The following CAMKV variants were observed in gnomAD, a reference collection of about 807,000 sequenced individuals.
CAMKV encodes caM kinase-like vesicle-associated protein.
A neutral mutation model predicts 50.2 loss-of-function variants in CAMKV; 5 were observed. The observed-to-expected ratio is 0.10, with a 90% confidence interval of 0.05 to 0.21. The LOEUF (loss-of-function observed/expected upper bound fraction) is 0.21. CAMKV is among the 10% of genes least tolerant of loss of function. CAMKV has a pLI of 1.00. For missense variants in CAMKV, 361 were observed against 650.5 expected (o/e 0.55, Z 4.84); for synonymous variants, 229 against 250.1 (o/e 0.92, Z 0.80).
chr3:49,860,091 G>A lies in CAMKV; in HGVS notation c.942+80C>T. 2 of 1,291,878 alleles carry A rather than the reference G, an allele frequency of 1.5e-6. No homozygotes were observed. Among genetic ancestry groups the A allele is most frequent in the South Asian group, 2.4e-5 (2 of 83,586 alleles). 80.0% of individuals were successfully genotyped at this position (1,291,878 alleles called of 1,614,324 possible). Reference sequence around the variant, plus strand: ...TGAGAAAAGCTTGTGTGTGGCTGCAGGGGTGTGATGCAGGCAAGAAACTGA... The same window carrying A: ...TGAGAAAAGCTTGTGTGTGGCTGCAAGGGTGTGATGCAGGCAAGAAACTGA... On this transcript the variant is annotated intron_variant, in intron 10 of 10. Coordinates refer to ENST00000477224, the MANE Select transcript of CAMKV (RefSeq NM_024046.5). This position sits in a 1 kb window ranked among gnomAD's most constrained non-coding sequence, Gnocchi z 6.1.
Position 49,869,095 on chromosome 3 carries a change from C to T in CAMKV, c.-15+663G>A, listed in dbSNP as rs1410448102. On this transcript the variant is annotated intron_variant, in intron 1 of 10. Transcript: ENST00000477224. This position sits in a 1 kb window ranked among gnomAD's most constrained non-coding sequence, Gnocchi z 5.2. The stretch of plus-strand genomic sequence containing the variant: ...CCCTTTCCCAAGTGCTGCTGGCTCG[C>T]CCCCGCTGGCACAGCAACACACATG... Among the ~76,000 whole-genome samples, 1 of 152,184 alleles carries T rather than the reference C, an allele frequency of 6.6e-6. No individual in the cohort carries two copies. The highest frequency in any genetic ancestry group is 6.5e-5 in the Admixed American group (1 of 15,288).
Position 49,862,332 on chromosome 3 carries a change from C to T in CAMKV, c.57G>A (p.Glu19=), listed in dbSNP as rs202049256. ...GDKKNYNQPS[E]VTDRYDLGQV... ...GTCCCAAATCATATCTGTCAGTCACCTCCGATGGCTGGTTATAGTTCTTCT... is the reference window on the plus strand; with the variant it reads ...GTCCCAAATCATATCTGTCAGTCACTTCCGATGGCTGGTTATAGTTCTTCT... The change falls in exon 2 of 11, where the codon GAG becomes GAA. Residue 19 remains glutamate (E), a synonymous_variant. Coordinates refer to ENST00000477224, the MANE Select transcript of CAMKV (RefSeq NM_024046.5). This position sits in a 1 kb window ranked among gnomAD's most constrained non-coding sequence, Gnocchi z 5.2. The T allele has an allele frequency of 1.9e-6, 3 of 1,614,240 alleles. No individual in the cohort carries two copies. In the Admixed American group the frequency reaches 5.0e-5, roughly 27 times the overall value.
intron 1 of CAMKV, among the ~76,000 whole-genome samples, chr3:49,868,745 A>G (rs1575411086): frequency 6.6e-6 from 1 of 152,296 alleles, no homozygotes. Flanking sequence ...GGAGGGCACC[A>G]GGTCTCTAAA....
In CAMKV at chr3:49,869,553, C is replaced by A. The variant is rs2082091019; in HGVS notation, c.-15+205G>T. Among the ~76,000 whole-genome samples, 1 of 152,130 alleles carries A rather than the reference C, an allele frequency of 6.6e-6. No individual in the cohort carries two copies. Among genetic ancestry groups the A allele is most frequent in the South Asian group, 2.1e-4 (1 of 4,832 alleles). On this transcript the variant is annotated intron_variant, in intron 1 of 10. Coordinates refer to ENST00000477224, the MANE Select transcript of CAMKV (RefSeq NM_024046.5). This position sits in a 1 kb window ranked among gnomAD's most constrained non-coding sequence, Gnocchi z 5.2. The stretch of plus-strand genomic sequence containing the variant: ...AAGCTTCCCCCCAGAACCCCCAAGC[C>A]GTCCGAGGTAATGGGGAACTTTAGC...
rs2082030334 is a variant in CAMKV at position 49,862,498 on chromosome 3, A to G, written c.-14-96T>C. 8.8e-6 allele frequency: 9 copies of G among 1,018,764 alleles called. No homozygotes were observed. In the East Asian group the frequency reaches 1.9e-4, roughly 22 times the overall value. The allele number at this position is 1,018,764 out of a possible 1,614,324, so 63.1% of individuals were successfully genotyped here. A position where few individuals can be genotyped will look rare whatever the true frequency, so the allele number is the denominator to read the frequency against. On this transcript the variant is annotated intron_variant, in intron 1 of 10. Coordinates refer to ENST00000477224, the MANE Select transcript of CAMKV (RefSeq NM_024046.5). This position sits in a 1 kb window ranked among gnomAD's most constrained non-coding sequence, Gnocchi z 5.2. ...GGAGACCCCAACCTGGCTCAGGCCA[A>G]GCTAGGGGCAGAGACCATACCAGGA...
At position 49,860,693 on chromosome 3, in the gene CAMKV, G is replaced by C; in HGVS notation, c.775+23C>G. The C allele has an allele frequency of 6.2e-7, 1 of 1,613,914 alleles. No individual in the cohort carries two copies. Reference sequence around the variant, plus strand: ...TCCCCACTCCCTTGCGTTCTACCAAGTGCTGGGCAGGCACCTCCTCACCTG... The same window carrying C: ...TCCCCACTCCCTTGCGTTCTACCAACTGCTGGGCAGGCACCTCCTCACCTG... On this transcript the variant is annotated intron_variant, in intron 8 of 10. Transcript: ENST00000477224. This position sits in a 1 kb window ranked among gnomAD's most constrained non-coding sequence, Gnocchi z 6.1.
At position 49,859,492 on chromosome 3, in the gene CAMKV, G is replaced by A. The variant is rs759369362; in HGVS notation, c.1332C>T (p.Pro444=). Residue 444 remains proline (P), a synonymous_variant, in exon 11 of 11, where the codon CCC becomes CCT. Coordinates refer to ENST00000477224, the MANE Select transcript of CAMKV (RefSeq NM_024046.5). This position sits in a 1 kb window ranked among gnomAD's most constrained non-coding sequence, Gnocchi z 5.5. ...CCAGCATGGCACTGCTTTGGGTGGTGGGCACAGTGCTCTCTTCTGTGGCTG... is the reference window on the plus strand; with the variant it reads ...CCAGCATGGCACTGCTTTGGGTGGTAGGCACAGTGCTCTCTTCTGTGGCTG... ...ATPATEESTV[P]TTQSSAMLAT... 40 of 1,614,076 alleles carry A rather than the reference G, an allele frequency of 2.5e-5. No homozygotes were observed. Among genetic ancestry groups the A allele is most frequent in the Non-Finnish European group, 3.4e-5 (40 of 1,180,026 alleles).
chr3:49,860,107 A>C lies in CAMKV; in HGVS notation c.942+64T>G. On this transcript the variant is annotated intron_variant, in intron 10 of 10. Coordinates refer to ENST00000477224, the MANE Select transcript of CAMKV (RefSeq NM_024046.5). The surrounding 1 kb of genome is among the most constrained non-coding windows in gnomAD (Gnocchi z 6.1). ...GTGGCTGCAGGGGTGTGATGCAGGC[A>C]AGAAACTGAGTGCCAGAAGCAATAC... The C allele has an allele frequency of 1.4e-6, 2 of 1,451,724 alleles. No homozygotes were observed. The highest frequency in any genetic ancestry group is 1.9e-6 in the Non-Finnish European group (2 of 1,032,908). The allele number at this position is 1,451,724 out of a possible 1,614,324, so 89.9% of individuals were successfully genotyped here. A position where few individuals can be genotyped will look rare whatever the true frequency, so the allele number is the denominator to read the frequency against.
At position 49,869,499 on chromosome 3, in the gene CAMKV, G is replaced by A. The variant is rs902431497; in HGVS notation, c.-15+259C>T. ...CACGGGGGACCACGAATCTTCGAGG[G>A]TTAATCTTTTCACAATTCCGAGCCG... On this transcript the variant is annotated intron_variant, in intron 1 of 10. Transcript: ENST00000477224. The surrounding 1 kb of genome is among the most constrained non-coding windows in gnomAD (Gnocchi z 5.2). 6.6e-6 allele frequency among the ~76,000 whole-genome samples: 1 copy of A among 152,126 alleles called. No individual in the cohort carries two copies. Among genetic ancestry groups the A allele is most frequent in the African/African-American group, 2.4e-5 (1 of 41,436 alleles).
rs543577472 is a variant in CAMKV, at chr3:49,858,127, C to T, written c.*1191G>A. Reference sequence around the variant, plus strand: ...CGGAGTGCCGAGCAAGGGCGAGGACCAATGTGGCTGCCTATCCAGGCTGTG... The same window carrying T: ...CGGAGTGCCGAGCAAGGGCGAGGACTAATGTGGCTGCCTATCCAGGCTGTG... On this transcript the variant is annotated 3_prime_UTR_variant, in exon 11 of 11. Transcript: ENST00000477224. 5.0e-6 allele frequency: 2 copies of T among 397,130 alleles called. No individual in the cohort carries two copies. Among genetic ancestry groups the T allele is most frequent in the Non-Finnish European group, 8.9e-6 (2 of 225,686 alleles). 24.6% of individuals were successfully genotyped at this position (397,130 alleles called of 1,614,324 possible). A position where few individuals can be genotyped will look rare whatever the true frequency, so the allele number is the denominator to read the frequency against.
chr3:49,862,030 A>G lies in CAMKV; in HGVS notation c.227+15T>C, dbSNP rs1459171432. Reference sequence around the variant, plus strand: ...CTGCCTCCCACCCCGCCCCAATCCCAGGCCTCAAACTCACATCTTGAGGAT... The same window carrying G: ...CTGCCTCCCACCCCGCCCCAATCCCGGGCCTCAAACTCACATCTTGAGGAT... On this transcript the variant is annotated intron_variant, in intron 3 of 10. Coordinates refer to ENST00000477224, the MANE Select transcript of CAMKV (RefSeq NM_024046.5). This position sits in a 1 kb window ranked among gnomAD's most constrained non-coding sequence, Gnocchi z 5.2. 1 of 1,613,802 alleles carries G rather than the reference A, an allele frequency of 6.2e-7. No individual in the cohort carries two copies. Among genetic ancestry groups the G allele is most frequent in the Non-Finnish European group, 8.5e-7 (1 of 1,179,928 alleles).
At position 49,861,731 on chromosome 3, in the gene CAMKV, G is replaced by C. The variant is rs1353045571; in HGVS notation, c.302+60C>G. The C allele has an allele frequency of 1.3e-6, 2 of 1,598,666 alleles. No individual in the cohort carries two copies. The highest frequency in any genetic ancestry group is 1.7e-5 in the Admixed American group (1 of 59,956). On this transcript the variant is annotated intron_variant, in intron 4 of 10. Coordinates refer to ENST00000477224, the MANE Select transcript of CAMKV (RefSeq NM_024046.5). This position sits in a 1 kb window ranked among gnomAD's most constrained non-coding sequence, Gnocchi z 7.7. The stretch of plus-strand genomic sequence containing the variant: ...AAAGGGGGTTTCCTTAGCTGCAGAG[G>C]GTGGGACAGGTGAAAGCCCTGGGCG...
chr3:49,861,420 ACT>A lies in CAMKV; in HGVS notation c.441+17_441+18del. The stretch of plus-strand genomic sequence containing the variant: ...AGCCCAGCTGCCAACTGGCCCTTTG[ACT>A]CTGGCTCTGCCCTCACCTTGAGATT... On this transcript the variant is annotated intron_variant, in intron 5 of 10. Coordinates refer to ENST00000477224, the MANE Select transcript of CAMKV (RefSeq NM_024046.5). The surrounding 1 kb of genome is among the most constrained non-coding windows in gnomAD (Gnocchi z 7.7). 1 of 1,613,684 alleles carries A rather than the reference ACT, an allele frequency of 6.2e-7. No individual in the cohort carries two copies. The highest frequency in any genetic ancestry group is 8.5e-7 in the Non-Finnish European group (1 of 1,179,894).
intron 1 of CAMKV, among the ~76,000 whole-genome samples, chr3:49,865,527 A>G (rs1306929261): frequency 6.6e-6 from 1 of 152,144 alleles, no homozygotes; most frequent in African/African-American, 2.4e-5. Context: ...AAAAAAATTC[A>G]GCAACTACCT....
At chr3:49,867,974 A>C (rs1303339956) in intron 1 of CAMKV, among the ~76,000 whole-genome samples, 1 of 152,132 alleles carries the variant, frequency 6.6e-6, no homozygotes, top group African/African-American at 2.4e-5. Flanking sequence ...GGGACCTTCG[A>C]GACTGCACCC....
In CAMKV at chr3:49,859,858, G is replaced by A. The variant is rs751109342; in HGVS notation, c.966C>T (p.Leu322=). The A allele has an allele frequency of 2.6e-6, 4 of 1,513,786 alleles. No homozygotes were observed. Among genetic ancestry groups the A allele is most frequent in the Non-Finnish European group, 3.5e-6 (4 of 1,138,908 alleles). 93.8% of individuals were successfully genotyped at this position (1,513,786 alleles called of 1,614,324 possible). A position where few individuals can be genotyped will look rare whatever the true frequency, so the allele number is the denominator to read the frequency against. ...GCTCTGGTGCCCGGAGCCGTTTCAT[G>A]AGGGTGGTCACTCGGACAGCCTTCT... ...KWKKAVRVTT[L]MKRLRAPEQS... is the part of the protein sequence containing the mutation. Residue 322 remains leucine (L), a synonymous_variant, in exon 11 of 11, where the codon CTC becomes CTT. Transcript: ENST00000477224. The surrounding 1 kb of genome is among the most constrained non-coding windows in gnomAD (Gnocchi z 5.5).
chr3:49,861,367 G>A lies in CAMKV; in HGVS notation c.442-67C>T, dbSNP rs2082019776. The A allele has an allele frequency of 1.9e-6, 3 of 1,613,206 alleles. No homozygotes were observed. Among genetic ancestry groups the A allele is most frequent in the East Asian group, 4.5e-5 (2 of 44,868 alleles). The stretch of plus-strand genomic sequence containing the variant: ...TGAGGACCTTGGAGGCTAGACCAAG[G>A]CCCTGAGGTGCTGCCCACCCCAGCA... On this transcript the variant is annotated intron_variant, in intron 5 of 10. Transcript: ENST00000477224. This position sits in a 1 kb window ranked among gnomAD's most constrained non-coding sequence, Gnocchi z 7.7.
chr3:49,860,800 T>C lies in CAMKV; in HGVS notation c.691A>G (p.Asn231Asp). ...YEEVEEDDYE[N>D]HDKNLFRKIL... is the part of the protein sequence containing the mutation. ...TTGCGGAAGAGATTCTTATCATGGT[T>C]CTCATAATCATCTTCTTCCACCTCC... Residue 231 changes from asparagine (N) to aspartate (D), a missense_variant, in exon 8 of 11, where the codon AAC (asparagine) becomes GAC (aspartate). By Grantham distance (23) the Asn-to-Asp change is conservative. Transcript: ENST00000477224. The surrounding 1 kb of genome is among the most constrained non-coding windows in gnomAD (Gnocchi z 6.1). 9.3e-6 allele frequency: 15 copies of C among 1,614,096 alleles called. No homozygotes were observed. Among genetic ancestry groups the C allele is most frequent in the Non-Finnish European group, 1.3e-5 (15 of 1,180,012 alleles).
intron 1 of CAMKV, among the ~76,000 whole-genome samples, chr3:49,863,200 G>T (rs1030696221): frequency 6.6e-6 from 1 of 152,212 alleles, no homozygotes; most frequent in African/African-American, 2.4e-5. Flanking sequence ...GAACAAACCC[G>T]TAAGGGGGAT....
Sources: gnomAD v4.1 joint callset for allele counts (sites outside exome capture counted in the v4.1 genomes callset) on GRCh38, gnomAD v4.1.1 for gene constraint, Gnocchi (gnomAD v3.1) non-coding constraint, MANE v1.5 for transcripts, NCBI Gene and HGNC (gene_info 2026-07-23, HGNC 2026-07-21) for gene names.